The following MIPOL1 variants were observed in gnomAD, a reference collection of about 807,000 sequenced individuals.
MIPOL1 encodes mirror-image polydactyly 1.
MIPOL1 carries 57 observed loss-of-function variants against 60.9 expected under a neutral mutation model. That is an observed-to-expected ratio of 0.94 (90% CI 0.76 to 1.17). The LOEUF is 1.17. MIPOL1 is among the 50% of genes most tolerant of loss of function. The probability of loss-of-function intolerance (pLI) is 0.00; values close to 1 mark genes in which losing one functional copy is unlikely to be tolerated. For missense variants in MIPOL1, 551 were observed against 511.6 expected (o/e 1.08, Z -0.74); for synonymous variants, 179 against 168.8 (o/e 1.06, Z -0.47).
intron 12 of MIPOL1, among the ~76,000 whole-genome samples, chr14:37,524,325 G>A (rs1376105690): frequency 6.6e-6 from 1 of 152,064 alleles, no homozygotes; most frequent in Non-Finnish European, 1.5e-5. Flanking sequence ...AGTGACATGA[G>A]ATAAATTTGG....
At chr14:37,296,221 A>T (rs1325778978) in intron 7 of MIPOL1, among the ~76,000 whole-genome samples, 1 of 152,242 alleles carries the variant, frequency 6.6e-6, no homozygotes, top group Admixed American at 6.5e-5. Context: ...ACATAACAAA[A>T]TGAAGGCAGA....
intron 12 of MIPOL1, chr14:37,507,449 T>A (rs1263326717): frequency 6.6e-6 from 1 of 152,230 alleles, no homozygotes; most frequent in African/African-American, 2.4e-5. Flanking sequence ...TTCATGTACT[T>A]TGCAGGGAGA....
chr14:37,437,081 T>C (rs971450485), intron 11 of MIPOL1, among the ~76,000 whole-genome samples: 4 of 152,188 alleles, frequency 2.6e-5, no homozygotes, highest in African/African-American at 9.6e-5. Context: ...ACTATTCTGT[T>C]TAGTTGTTAA....
chr14:37,237,037 C>T lies in MIPOL1; in HGVS notation c.-198-10066C>T, dbSNP rs115294909. 7.1e-3 allele frequency among the ~76,000 whole-genome samples: 1,084 copies of T among 152,094 alleles called. 14 individuals carry two copies. The highest frequency in any genetic ancestry group is 0.024 in the African/African-American group (1,013 of 41,484). Reference sequence around the variant, plus strand: ...TACTTGGCTGCTTGTCATGTGGTCACGTGTTAATTTCCCAGAAAGTCTTGC... The same window carrying T: ...TACTTGGCTGCTTGTCATGTGGTCATGTGTTAATTTCCCAGAAAGTCTTGC... On this transcript the variant is annotated intron_variant, in intron 1 of 12. Coordinates refer to ENST00000684589, the MANE Select transcript of MIPOL1 (RefSeq NM_001388067.1).
At chr14:37,420,087 G>A (rs1271222687) in intron 10 of MIPOL1, among the ~76,000 whole-genome samples, 6 of 149,190 alleles carry the variant, frequency 4.0e-5, no homozygotes, top group Admixed American at 1.3e-4. Flanking sequence ...ACGCAAAATA[G>A]CAATTTTTGA....
At chr14:37,248,928 G>T (rs1973632577) in intron 3 of MIPOL1, among the ~76,000 whole-genome samples, 1 of 152,080 alleles carries the variant, frequency 6.6e-6, no homozygotes, top group African/African-American at 2.4e-5. Context: ...TGGAAAGACT[G>T]TCTGAAGACA....
At chr14:37,426,718 G>T in intron 11 of MIPOL1, among the ~76,000 whole-genome samples, 1 of 150,454 alleles carries the variant, frequency 6.6e-6, no homozygotes, top group Admixed American at 6.7e-5. Context: ...AAGTCGGAAA[G>T]TGGAATGTTA....
chr14:37,476,813 G>A (rs1021156472), intron 11 of MIPOL1, among the ~76,000 whole-genome samples: 1 of 146,152 alleles, frequency 6.8e-6, no homozygotes, highest in African/African-American at 2.5e-5. Flanking sequence ...TATATATTTT[G>A]TTGGATTTAA....
intron 11 of MIPOL1, among the ~76,000 whole-genome samples, chr14:37,440,754 T>C (rs1215208339): frequency 1.3e-5 from 2 of 152,166 alleles, no homozygotes; most frequent in Non-Finnish European, 2.9e-5. Flanking sequence ...AATGTAATGA[T>C]TTCTTTTCCT....
At chr14:37,408,974 C>T (rs775023614) in intron 10 of MIPOL1, among the ~76,000 whole-genome samples, 26 of 152,136 alleles carry the variant, frequency 1.7e-4, no homozygotes, top group African/African-American at 4.3e-4. Context: ...GCCACAGCTG[C>T]GCTAAGAAAA....
intron 7 of MIPOL1, among the ~76,000 whole-genome samples, chr14:37,306,924 A>G (rs2086832728): frequency 6.6e-6 from 1 of 151,828 alleles, no homozygotes; most frequent in African/African-American, 2.4e-5. Context: ...AATTATATAT[A>G]ACTTAAAATT....
At chr14:37,330,752 C>T (rs1385304335) in intron 9 of MIPOL1, among the ~76,000 whole-genome samples, 1 of 144,694 alleles carries the variant, frequency 6.9e-6, no homozygotes, top group Non-Finnish European at 1.5e-5. Flanking sequence ...CTTCCTCAGA[C>T]TTATCATTCT....
chr14:37,283,995 G>C (rs908658043), intron 6 of MIPOL1, among the ~76,000 whole-genome samples: 1 of 152,096 alleles, frequency 6.6e-6, no homozygotes, highest in Non-Finnish European at 1.5e-5. Context: ...GGGATTACAG[G>C]TGTGAGCCAC....
chr14:37,335,990 T>G (rs2090078393), intron 9 of MIPOL1, among the ~76,000 whole-genome samples: 1 of 152,062 alleles, frequency 6.6e-6, no homozygotes, highest in Admixed American at 6.6e-5. Flanking sequence ...GTCATGAAAT[T>G]TTTTCCCTGT....
chr14:37,200,686 TTAACACAGTCCTCTG>T (rs2139068276), intron 1 of MIPOL1, among the ~76,000 whole-genome samples: 1 of 150,976 alleles, frequency 6.6e-6, no homozygotes, highest in South Asian at 2.1e-4. Context: ...TTTTTTTTTT[TTAACACAGTCCTCTG>T]GCTGGATTTG....
intron 11 of MIPOL1, chr14:37,423,857 A>G (rs1368746662): frequency 2.0e-5 from 3 of 152,194 alleles, no homozygotes; most frequent in East Asian, 3.8e-4. Context: ...ATGCATCATT[A>G]TTAATGGATA....
intron 7 of MIPOL1, among the ~76,000 whole-genome samples, chr14:37,291,277 ATATACT>A (rs2085031594): frequency 6.6e-6 from 1 of 152,042 alleles, no homozygotes; most frequent in South Asian, 2.1e-4. Context: ...GAGACTCCAG[ATATACT>A]TATATGGGAC....
intron 10 of MIPOL1, chr14:37,397,153 T>C (rs1315882332): frequency 2.0e-5 from 3 of 152,204 alleles, no homozygotes; most frequent in Non-Finnish European, 4.4e-5. Context: ...TCAGATTCTT[T>C]TGTCCCACGG....
intron 1 of MIPOL1, among the ~76,000 whole-genome samples, chr14:37,243,387 A>G (rs557980882): frequency 5.9e-5 from 9 of 152,338 alleles, no homozygotes; most frequent in East Asian, 5.8e-4. Flanking sequence ...TGAAAATCCA[A>G]TAGTAAGACA....
Sources: gnomAD v4.1 joint callset for allele counts (sites outside exome capture counted in the v4.1 genomes callset) on GRCh38, gnomAD v4.1.1 for gene constraint, MANE v1.5 for transcripts, NCBI Gene and HGNC (gene_info 2026-07-23, HGNC 2026-07-21) for gene names.